Variants in RAB31 observed in about 807,000 individuals in gnomAD.
RAB31 encodes the protein ras-related protein Rab-31.
RAB31 carries 21 observed loss-of-function variants against 25.6 expected under a neutral mutation model. That is an observed-to-expected ratio of 0.82 (90% CI 0.58 to 1.18). The LOEUF (loss-of-function observed/expected upper bound fraction) is 1.18. Among genes scored for constraint, RAB31 ranks in the 50% most tolerant of loss-of-function variants. RAB31 has a pLI of 0.00. For synonymous variants in RAB31, 87 were observed against 84.0 expected (o/e 1.04, Z -0.20); for missense variants, 196 against 250.1 (o/e 0.78, Z 1.46).
chr18:9,800,791 T>C (rs1283184191), intron 3 of RAB31, among the ~76,000 whole-genome samples: 1 of 152,232 alleles, frequency 6.6e-6, no homozygotes, highest in African/African-American at 2.4e-5. Flanking sequence ...CCCCCCTTTT[T>C]TTTTATTTAA....
chr18:9,769,152 T>C (rs1326633961), intron 1 of RAB31, among the ~76,000 whole-genome samples: 1 of 152,206 alleles, frequency 6.6e-6, no homozygotes, highest in East Asian at 1.9e-4. Flanking sequence ...TTGTTCCTTT[T>C]GCTTAGGATT....
At chr18:9,752,517 G>A (rs898581982) in intron 1 of RAB31, among the ~76,000 whole-genome samples, 1 of 152,152 alleles carries the variant, frequency 6.6e-6, no homozygotes, top group Non-Finnish European at 1.5e-5. Flanking sequence ...GAGCCATCGT[G>A]CCCGGCCCAG....
intron 1 of RAB31, among the ~76,000 whole-genome samples, chr18:9,732,597 C>T (rs2068129370): frequency 3.9e-5 from 6 of 152,244 alleles, no homozygotes; most frequent in Admixed American, 3.9e-4. Context: ...GCCGTGTCTC[C>T]AACCTCTCCC....
At chr18:9,759,486 A>T (rs923912591) in intron 1 of RAB31, among the ~76,000 whole-genome samples, 21 of 94,100 alleles carry the variant, frequency 2.2e-4, no homozygotes, top group Admixed American at 2.1e-4. Flanking sequence ...AGTAGATCTT[A>T]AAACTATTTA....
At chr18:9,800,311 A>G (rs2068507552) in intron 3 of RAB31, among the ~76,000 whole-genome samples, 1 of 152,122 alleles carries the variant, frequency 6.6e-6, no homozygotes, top group Admixed American at 6.5e-5. Flanking sequence ...AACTTTCTTC[A>G]GCCATCTCCC....
At chr18:9,845,476 C>G (rs2068756544) in intron 5 of RAB31, 106 bp from the exon 6 acceptor site, 1 of 948,912 alleles carries the variant, frequency 1.1e-6, no homozygotes. Flanking sequence ...TATTATTCTA[C>G]AAGAAGATAA....
intron 5 of RAB31, among the ~76,000 whole-genome samples, chr18:9,843,667 C>A (rs503316): frequency 0.71 from 107,704 of 152,004 alleles, 38,255 homozygotes; most frequent in South Asian, 0.8. Flanking sequence ...AGAAAAACTC[C>A]AGCATAATCC....
chr18:9,770,313 A>G (rs771805403), intron 1 of RAB31, among the ~76,000 whole-genome samples: 14 of 152,174 alleles, frequency 9.2e-5, no homozygotes, highest in Non-Finnish European at 1.9e-4. Context: ...CTGGAGGGAT[A>G]GGAAGCTTGA....
At chr18:9,717,996 G>C (rs2068053106) in intron 1 of RAB31, among the ~76,000 whole-genome samples, 2 of 152,064 alleles carry the variant, frequency 1.3e-5, no homozygotes, top group African/African-American at 2.4e-5. Flanking sequence ...CCGGGTTCAA[G>C]CAATGCTTCT....
intron 1 of RAB31, among the ~76,000 whole-genome samples, chr18:9,718,013 G>C (rs987187864): frequency 2.0e-4 from 30 of 151,892 alleles, no homozygotes; most frequent in African/African-American, 7.3e-4. Flanking sequence ...TTCTACCTCA[G>C]CCTCCCGAGT....
chr18:9,858,778 A>G (rs984317827), intron 6 of RAB31, among the ~76,000 whole-genome samples: 2 of 152,206 alleles, frequency 1.3e-5, no homozygotes, highest in African/African-American at 4.8e-5. Flanking sequence ...ATTCAAATCT[A>G]TTTCTATTTT....
chr18:9,722,926 A>G (rs891481846), intron 1 of RAB31: 2 of 152,256 alleles, frequency 1.3e-5, no homozygotes, highest in African/African-American at 4.8e-5. Flanking sequence ...TTTTTCTGGT[A>G]TGACACAACT....
chr18:9,779,608 C>T (rs2068391544), intron 2 of RAB31, among the ~76,000 whole-genome samples: 1 of 152,168 alleles, frequency 6.6e-6, no homozygotes, highest in Admixed American at 6.5e-5. Flanking sequence ...TACAAGTATG[C>T]CCCGTGCAAT....
intron 5 of RAB31, among the ~76,000 whole-genome samples, chr18:9,844,233 C>T (rs2068749035): frequency 6.6e-6 from 1 of 152,152 alleles, no homozygotes; most frequent in Admixed American, 6.5e-5. Context: ...TGGTGTGCCT[C>T]CCTCTCTCAG....
At chr18:9,810,817 T>C (rs1456584785) in intron 3 of RAB31, among the ~76,000 whole-genome samples, 1 of 152,218 alleles carries the variant, frequency 6.6e-6, no homozygotes, top group African/African-American at 2.4e-5. Flanking sequence ...TATTGACTGC[T>C]ACTTTGTGCG....
intron 3 of RAB31, among the ~76,000 whole-genome samples, chr18:9,806,623 G>A (rs2068543233): frequency 6.6e-6 from 1 of 152,344 alleles, no homozygotes; most frequent in Middle Eastern, 3.4e-3. Context: ...ACAGAATGGA[G>A]CTTGGCTTTT....
At chr18:9,818,914 GC>G (rs1414914143) in intron 5 of RAB31, among the ~76,000 whole-genome samples, 1 of 152,104 alleles carries the variant, frequency 6.6e-6, no homozygotes, top group Non-Finnish European at 1.5e-5. Flanking sequence ...ATGTTTATTG[GC>G]CATGTGTGTA....
At chr18:9,822,701 C>A (rs530586455) in intron 5 of RAB31, among the ~76,000 whole-genome samples, 4 of 152,038 alleles carry the variant, frequency 2.6e-5, no homozygotes, top group Non-Finnish European at 5.9e-5. Context: ...GGATATAAGG[C>A]GACGTTCAAT....
At chr18:9,781,379 C>T (rs1421511968) in intron 2 of RAB31, among the ~76,000 whole-genome samples, 1 of 152,124 alleles carries the variant, frequency 6.6e-6, no homozygotes, top group Non-Finnish European at 1.5e-5. Context: ...CACAGTGACG[C>T]GATCTTGGCT....
Sources: allele counts gnomAD v4.1 joint callset (sites outside exome capture counted in the v4.1 genomes callset), GRCh38; gene constraint gnomAD v4.1.1; transcripts MANE v1.5; gene names NCBI Gene and HGNC (gene_info 2026-07-23, HGNC 2026-07-21).